EXOC6B: variants seen among roughly 807,000 people sequenced by gnomAD.
EXOC6B encodes exocyst complex component 6B.
A neutral mutation model predicts 113.5 loss-of-function variants in EXOC6B; 54 were observed. The observed-to-expected ratio is 0.48, with a 90% confidence interval of 0.38 to 0.60. The LOEUF is 0.60. Ranked by LOEUF, EXOC6B falls within the 20% of genes least tolerant of loss-of-function variation. The pLI, the probability that EXOC6B is intolerant of heterozygous loss-of-function variation, is 0.00. For synonymous variants in EXOC6B, 357 were observed against 339.0 expected (o/e 1.05, Z -0.58); for missense variants, 797 against 977.5 (o/e 0.82, Z 2.46).
chr2:72,390,015 G>A (rs766510532), intron 18 of EXOC6B, among the ~76,000 whole-genome samples: 34 of 152,062 alleles, frequency 2.2e-4, no homozygotes, highest in Non-Finnish European at 4.1e-4. Context: ...AACCTGGGAG[G>A]TGGAGGTTGC....
intron 6 of EXOC6B, among the ~76,000 whole-genome samples, chr2:72,659,345 A>G (rs1674836645): frequency 6.6e-6 from 1 of 152,094 alleles, no homozygotes; most frequent in Non-Finnish European, 1.5e-5. Flanking sequence ...ACCTCAAAAA[A>G]AGAAGACCCC....
intron 16 of EXOC6B, 37 bp downstream of exon 16, chr2:72,492,281 A>G (rs918802366): frequency 3.0e-6 from 4 of 1,314,488 alleles, no homozygotes; most frequent in Non-Finnish European, 4.4e-6. Context: ...ATCTGTTCAC[A>G]TACTGGCTCG....
At chr2:72,236,784 C>T (rs1482711042) in intron 20 of EXOC6B, among the ~76,000 whole-genome samples, 1 of 151,982 alleles carries the variant, frequency 6.6e-6, no homozygotes, top group African/African-American at 2.4e-5. Context: ...GCAAAGAGGG[C>T]TATCAAAATT....
intron 1 of EXOC6B, among the ~76,000 whole-genome samples, chr2:72,781,301 G>C (rs913737445): frequency 2.6e-5 from 4 of 152,180 alleles, no homozygotes; most frequent in African/African-American, 9.6e-5. Context: ...GGATAGACTA[G>C]ATTATGCTAC....
In EXOC6B at chr2:72,220,061, T is replaced by C. The variant is rs1680772721; in HGVS notation, c.2197-35874A>G. ...TACTTCTCAGGGAAGCTGCAGAGATTAAGTAGCCAATAAACAATTGTAAAG... is the reference window on the plus strand; with the variant it reads ...TACTTCTCAGGGAAGCTGCAGAGATCAAGTAGCCAATAAACAATTGTAAAG... On this transcript the variant is annotated intron_variant, in intron 20 of 21. Coordinates refer to ENST00000272427, the MANE Select transcript of EXOC6B (RefSeq NM_015189.3). 2.0e-5 allele frequency among the ~76,000 whole-genome samples: 3 copies of C among 152,164 alleles called. No homozygotes were observed. The South Asian group carries it at 6.2e-4, about 32-fold the overall frequency.
At chr2:72,657,069 T>C (rs1210084948) in intron 6 of EXOC6B, among the ~76,000 whole-genome samples, 2 of 152,086 alleles carry the variant, frequency 1.3e-5, no homozygotes, top group Non-Finnish European at 2.9e-5. Context: ...CAGGCTGATC[T>C]TGAACTCCCG....
intron 6 of EXOC6B, among the ~76,000 whole-genome samples, chr2:72,636,004 G>A (rs564043907): frequency 3.3e-5 from 5 of 152,190 alleles, no homozygotes; most frequent in African/African-American, 1.2e-4. Context: ...ATTACTTGAG[G>A]CCAGAAGTTC....
At chr2:72,464,984 GA>G (rs201027708) in intron 18 of EXOC6B, 175 bp downstream of exon 18, 2 of 601,700 alleles carry the variant, frequency 3.3e-6, no homozygotes, top group East Asian at 2.8e-5. Context: ...AAAGGTCAAT[GA>G]AAAAATGATG....
At chr2:72,451,429 CAT>C (rs1696906586) in intron 18 of EXOC6B, among the ~76,000 whole-genome samples, 1 of 152,124 alleles carries the variant, frequency 6.6e-6, no homozygotes, top group African/African-American at 2.4e-5. Context: ...AAACAAAACA[CAT>C]AGACAAAAAC....
chr2:72,331,157 A>T (rs1688400631), intron 20 of EXOC6B, among the ~76,000 whole-genome samples: 1 of 152,122 alleles, frequency 6.6e-6, no homozygotes, highest in Admixed American at 6.6e-5. Flanking sequence ...TCAATGTAGT[A>T]CTTATCACAG....
chr2:72,186,168 C>T (rs1479224909), intron 20 of EXOC6B, among the ~76,000 whole-genome samples: 1 of 152,102 alleles, frequency 6.6e-6, no homozygotes, highest in African/African-American at 2.4e-5. Flanking sequence ...GGGTTGGTTC[C>T]AAGTCTTTGC....
intron 7 of EXOC6B, among the ~76,000 whole-genome samples, chr2:72,566,443 G>C (rs1038803093): frequency 1.3e-5 from 2 of 152,048 alleles, no homozygotes; most frequent in Non-Finnish European, 2.9e-5. Flanking sequence ...AAGGACATTT[G>C]GGGTGTTTCT....
chr2:72,678,397 T>C (rs909511965), intron 6 of EXOC6B, among the ~76,000 whole-genome samples: 2 of 152,152 alleles, frequency 1.3e-5, no homozygotes, highest in East Asian at 3.9e-4. Flanking sequence ...AGGAAGGAGA[T>C]ATGTCTGCTT....
At chr2:72,495,988 T>C (rs1700013554) in intron 14 of EXOC6B, among the ~76,000 whole-genome samples, 1 of 152,014 alleles carries the variant, frequency 6.6e-6, no homozygotes, top group Admixed American at 6.5e-5. Context: ...CAAAGGGGCA[T>C]CATTAAATAA....
In EXOC6B at chr2:72,679,008, C is replaced by G. The variant is rs989976522; in HGVS notation, c.669+39095G>C. On this transcript the variant is annotated intron_variant, in intron 6 of 21. Transcript: ENST00000272427. ...CCACATTATCAACCACTTTGAAATC[C>G]TAATGAAAGTTATGGATCTTCTCCC... Among the ~76,000 whole-genome samples, 4 of 152,172 alleles carry G rather than the reference C, an allele frequency of 2.6e-5. No individual in the cohort carries two copies. The East Asian group carries it at 7.7e-4, about 29-fold the overall frequency.
In EXOC6B at chr2:72,184,191, T is replaced by G. The variant is rs1303723938; in HGVS notation, c.2197-4A>C. ...ACTGGATGAAAAGATCCAAAAGCTG[T>G]AAAATATCCAAACCCCACCCCAGGG... On this transcript the variant is annotated splice_polypyrimidine_tract_variant and splice_region_variant and intron_variant, in intron 20 of 21. Transcript: ENST00000272427. 1 of 1,516,698 alleles carries G rather than the reference T, an allele frequency of 6.6e-7. No individual in the cohort carries two copies. The highest frequency in any genetic ancestry group is 1.2e-5 in the South Asian group (1 of 83,230). 94.0% of individuals were successfully genotyped at this position (1,516,698 alleles called of 1,614,324 possible). A position where few individuals can be genotyped will look rare whatever the true frequency, so the allele number is the denominator to read the frequency against.
intron 20 of EXOC6B, among the ~76,000 whole-genome samples, chr2:72,281,810 C>T (rs925691879): frequency 1.3e-5 from 2 of 152,098 alleles, no homozygotes; most frequent in Admixed American, 1.3e-4. Context: ...AGTAAAACTG[C>T]CAAAAACTGA....
intron 6 of EXOC6B, among the ~76,000 whole-genome samples, chr2:72,624,339 T>A (rs990971687): frequency 6.6e-6 from 1 of 152,112 alleles, no homozygotes; most frequent in Non-Finnish European, 1.5e-5. Context: ...CATCAAGGTA[T>A]CCTCCTTCCT....
At chr2:72,441,898 TC>T (rs1696223105) in intron 18 of EXOC6B, among the ~76,000 whole-genome samples, 2 of 152,160 alleles carry the variant, frequency 1.3e-5, no homozygotes, top group South Asian at 4.1e-4. Context: ...CCTAATGCAA[TC>T]TATGAGGCCA....
Sources: allele counts gnomAD v4.1 joint callset (sites outside exome capture counted in the v4.1 genomes callset), GRCh38; gene constraint gnomAD v4.1.1; transcripts MANE v1.5; gene names NCBI Gene and HGNC (gene_info 2026-07-23, HGNC 2026-07-21).